The following STX5 variants were observed in gnomAD, a reference collection of about 807,000 sequenced individuals.
STX5 encodes syntaxin-5.
In STX5, 15 loss-of-function variants were observed where a neutral mutation model predicts 42.9. That is an observed-to-expected ratio of 0.35 (90% CI 0.23 to 0.54). STX5 has a LOEUF of 0.54. Ranked by LOEUF, STX5 falls within the 20% of genes least tolerant of loss-of-function variation. STX5 has a pLI of 0.91. For synonymous variants in STX5, 184 were observed against 173.2 expected, an observed-to-expected ratio of 1.06 and a Z score of -0.49; for missense variants, 430 against 455.0, an observed-to-expected ratio of 0.95 and a Z score of 0.50.
chr11:62,825,439 A>G lies in STX5; in HGVS notation c.524T>C (p.Ile175Thr). The change falls in exon 6 of 11, where the codon ATT (isoleucine) becomes ACT (threonine). Residue 175 changes from isoleucine to threonine, a missense_variant. Physicochemically the swap from Ile to Thr is moderately conservative, Grantham distance 89 (BLOSUM62 -1). Transcript: ENST00000294179. ...AGGTCCCACCTGCAAGGAGACCACA[A>G]TGGTGTTGGAGTGGGTCTGCAGGTG... The part of the protein sequence containing the change: ...GRHLQTHSNT[I>T]VVSLQSKLAS... 3.1e-6 allele frequency: 5 copies of G among 1,613,954 alleles called. No homozygotes were observed. Among genetic ancestry groups the G allele is most frequent in the East Asian group, 2.2e-5 (1 of 44,878 alleles).
chr11:62,825,678 G>A (rs1395777411), intron 5 of STX5, 139 bp from the exon 6 acceptor site: 1 of 779,718 alleles, frequency 1.3e-6, no homozygotes, highest in Non-Finnish European at 2.1e-6. Context: ...AGTCAGACCA[G>A]ATGGGCCTGC....
At chr11:62,815,290 G>A (rs1036632296) in intron 10 of STX5, among the ~76,000 whole-genome samples, 2 of 152,140 alleles carry the variant, frequency 1.3e-5, no homozygotes, top group African/African-American at 2.4e-5. Flanking sequence ...ACAGGCATGA[G>A]CCACCATGCC....
rs2084875191 is a variant in STX5 at position 62,831,935 on chromosome 11, C to G, written c.-20+19G>C. The stretch of plus-strand genomic sequence containing the variant: ...AGAGCTGACACGGCGGCCAGATCCC[C>G]TCTTAAAGCGAATCTTACCTCCCCT... On this transcript the variant is annotated intron_variant, in intron 1 of 10. Transcript: ENST00000294179. 4.4e-6 allele frequency: 2 copies of G among 458,632 alleles called. No homozygotes were observed. The highest frequency in any genetic ancestry group is 8.7e-6 in the Non-Finnish European group (2 of 228,798). 28.4% of individuals were successfully genotyped at this position (458,632 alleles called of 1,614,324 possible). A position where few individuals can be genotyped will look rare whatever the true frequency, so the allele number is the denominator to read the frequency against.
Position 62,806,943 on chromosome 11 carries a change from C to T in STX5, c.*526G>A, listed in dbSNP as rs890874152. 6.5e-6 allele frequency: 1 copy of T among 153,292 alleles called. No individual in the cohort carries two copies. The highest frequency in any genetic ancestry group is 1.5e-5 in the Non-Finnish European group (1 of 68,486). 9.5% of individuals were successfully genotyped at this position (153,292 alleles called of 1,614,324 possible). On this transcript the variant is annotated 3_prime_UTR_variant, in exon 11 of 11. Coordinates refer to ENST00000294179, the MANE Select transcript of STX5 (RefSeq NM_003164.5). Reference sequence around the variant, plus strand: ...AATTGGGAGAAAACGAGCTGCAGCACATTTGGCAGATTGAGTCACCAGCAG... The same window carrying T: ...AATTGGGAGAAAACGAGCTGCAGCATATTTGGCAGATTGAGTCACCAGCAG...
chr11:62,829,108 C>T (rs147001305), intron 2 of STX5, among the ~76,000 whole-genome samples: 13 of 151,940 alleles, frequency 8.6e-5, no homozygotes, highest in African/African-American at 2.4e-4. Flanking sequence ...ACTGCTTACT[C>T]GGGTCCCACT....
intron 10 of STX5, among the ~76,000 whole-genome samples, chr11:62,816,964 T>C (rs1367200314): frequency 6.6e-6 from 1 of 151,806 alleles, no homozygotes; most frequent in Admixed American, 6.6e-5. Flanking sequence ...TCATTCTTGT[T>C]TGTTTGTTTT....
intron 2 of STX5, among the ~76,000 whole-genome samples, chr11:62,829,971 A>G (rs1268778932): frequency 6.6e-6 from 1 of 151,032 alleles, no homozygotes; most frequent in East Asian, 2.0e-4. Context: ...AGGCTAAGGC[A>G]GGAGAATCGC....
At chr11:62,819,054 C>CT (rs977590032) in intron 10 of STX5, among the ~76,000 whole-genome samples, 13 of 149,436 alleles carry the variant, frequency 8.7e-5, no homozygotes, top group African/African-American at 3.0e-4. Flanking sequence ...CCCGTCTCTA[C>CT]TAAAAATACA....
intron 10 of STX5, among the ~76,000 whole-genome samples, chr11:62,818,321 C>T (rs552308971): frequency 5.4e-5 from 8 of 149,348 alleles, no homozygotes; most frequent in South Asian, 2.1e-4. Flanking sequence ...TTTTGGGAGG[C>T]GGAAGTGGGA....
rs148833107 is a variant in STX5 at position 62,827,373 on chromosome 11, T to A, written c.322A>T (p.Thr108Ser). The A allele has an allele frequency of 7.3e-4, 1,173 of 1,614,212 alleles. 3 individuals carry two copies. Among genetic ancestry groups the A allele is most frequent in the Admixed American group, 1.6e-3 (95 of 60,018 alleles). The change falls in exon 4 of 11, where the codon ACA becomes TCA. Residue 108 changes from threonine to serine, a missense_variant. Thr to Ser is a moderately conservative substitution (Grantham distance 58, BLOSUM62 1). Transcript: ENST00000294179. ...AKRIGKDLSNTFAKLEKLTIL... is the reference protein window; with the variant it reads ...AKRIGKDLSNSFAKLEKLTIL... Reference sequence around the variant, plus strand: ...GTCAGCTTCTCCAGCTTGGCAAATGTGTTGCTAAGGTCTTTCCCAATGCGC... The same window carrying A: ...GTCAGCTTCTCCAGCTTGGCAAATGAGTTGCTAAGGTCTTTCCCAATGCGC...
chr11:62,824,112 C>T (rs911215014), intron 10 of STX5, 54 bp downstream of exon 10: 1 of 1,612,430 alleles, frequency 6.2e-7, no homozygotes. Context: ...TTTAAGATGC[C>T]AATCCACGGG....
intron 10 of STX5, among the ~76,000 whole-genome samples, chr11:62,819,721 T>C (rs1287335544): frequency 2.6e-5 from 4 of 151,190 alleles, no homozygotes; most frequent in Non-Finnish European, 5.9e-5. Context: ...TTTTCAGAGT[T>C]TTGCTCTTGC....
chr11:62,818,689 CAA>C lies in STX5; in HGVS notation c.908+5475_908+5476del, dbSNP rs772514194. On this transcript the variant is annotated intron_variant, in intron 10 of 10. Transcript: ENST00000294179. The stretch of plus-strand genomic sequence containing the variant: ...CAACATGTGAGATCCCCGTCTCTAC[CAA>C]AAAAAAAAAAAAAGAAAAAAAATCA... Among the ~76,000 whole-genome samples, 432 of 107,902 alleles carry C rather than the reference CAA, an allele frequency of 4.0e-3. 2 individuals are homozygous for C. The highest frequency in any genetic ancestry group is 0.012 in the African/African-American group (366 of 30,454). 70.8% of individuals were successfully genotyped at this position (107,902 alleles called of 152,430 possible). A position where few individuals can be genotyped will look rare whatever the true frequency, so the allele number is the denominator to read the frequency against.
intron 2 of STX5, chr11:62,830,578 T>C (rs371908449): frequency 4.3e-5 from 20 of 459,798 alleles, no homozygotes; most frequent in East Asian, 3.4e-4. Context: ...AAATTACTTA[T>C]CTAGAAAATG....
At chr11:62,823,978 A>C in intron 10 of STX5, 188 bp downstream of exon 10, 1 of 813,890 alleles carries the variant, frequency 1.2e-6, no homozygotes, top group Non-Finnish European at 1.9e-6. Context: ...CACCTGGAAC[A>C]GTGCCTCACA....
At chr11:62,824,834 T>C (rs2084777318) in intron 8 of STX5, among the ~76,000 whole-genome samples, 1 of 152,246 alleles carries the variant, frequency 6.6e-6, no homozygotes, top group South Asian at 2.1e-4. Context: ...TGAATATAAC[T>C]GAATTCACCC....
chr11:62,831,427 C>T (rs1037001853), intron 1 of STX5, among the ~76,000 whole-genome samples, 165 bp from the exon 2 acceptor site: 1 of 152,140 alleles, frequency 6.6e-6, no homozygotes, highest in African/African-American at 2.4e-5. Flanking sequence ...AAGGGCCCCG[C>T]TTTTCCCCTG....
chr11:62,815,158 G>A (rs997374021), intron 10 of STX5, among the ~76,000 whole-genome samples: 1 of 150,534 alleles, frequency 6.6e-6, no homozygotes, highest in African/African-American at 2.4e-5. Context: ...CAGGCACGCA[G>A]CACCACGCCC....
intron 10 of STX5, among the ~76,000 whole-genome samples, chr11:62,818,968 C>T (rs2134830982): frequency 6.6e-6 from 1 of 151,626 alleles, no homozygotes; most frequent in East Asian, 1.9e-4. Flanking sequence ...GCCTGTAATC[C>T]CAGCACTTTG....
Sources: allele counts gnomAD v4.1 joint callset (sites outside exome capture counted in the v4.1 genomes callset), GRCh38; gene constraint gnomAD v4.1.1; transcripts MANE v1.5; gene names NCBI Gene and HGNC (gene_info 2026-07-23, HGNC 2026-07-21).